Variants in RPS6KA2 observed in about 807,000 individuals in gnomAD.
RPS6KA2 encodes ribosomal protein S6 kinase alpha-2.
Under a neutral mutation model 91.8 loss-of-function variants are expected in RPS6KA2, and 42 were observed. The ratio of observed to expected loss-of-function variants is 0.46; its 90% CI spans 0.36 to 0.59. The LOEUF is 0.59. Among genes scored for constraint, RPS6KA2 ranks in the 20% least tolerant of loss-of-function variants. RPS6KA2 has a pLI of 0.00. For missense variants in RPS6KA2, 798 were observed against 978.5 expected (o/e 0.82, Z 2.46); for synonymous variants, 414 against 393.6 (o/e 1.05, Z -0.61).
At chr6:166,481,764 A>G (rs939605811) in intron 10 of RPS6KA2, among the ~76,000 whole-genome samples, 2 of 151,316 alleles carry the variant, frequency 1.3e-5, no homozygotes, top group Non-Finnish European at 2.9e-5. Flanking sequence ...ATCTTAAAGT[A>G]TGTGCTACAG....
intron 12 of RPS6KA2, among the ~76,000 whole-genome samples, chr6:166,453,062 G>A (rs1583155222): frequency 6.6e-6 from 1 of 152,072 alleles, no homozygotes; most frequent in East Asian, 1.9e-4. Context: ...TTAGCCAGGT[G>A]TGGTGGTGTA....
In RPS6KA2 at chr6:166,760,248, G is replaced by A. The variant is rs149323343; in HGVS notation, c.123+97952C>T. ...GGAGAGAGGAAGGTGGGCTCATTCT[G>A]GTGAACAAATATTTCCTTAGGTAAT... is the stretch of plus-strand genomic sequence containing the variant. On this transcript the variant is annotated intron_variant, in intron 2 of 21. Transcript: ENST00000503859. Among the ~76,000 whole-genome samples, 582 of 152,280 alleles carry A rather than the reference G, an allele frequency of 3.8e-3. 4 individuals carry two copies. The highest frequency in any genetic ancestry group is 0.013 in the African/African-American group (552 of 41,542).
intron 10 of RPS6KA2, among the ~76,000 whole-genome samples, chr6:166,488,171 C>T (rs894481107): frequency 1.3e-5 from 2 of 152,032 alleles, no homozygotes; most frequent in Non-Finnish European, 2.9e-5. Flanking sequence ...GCTGTCTAAA[C>T]CGTAAACACC....
chr6:166,604,531 G>T (rs1037547474), intron 1 of RPS6KA2, among the ~76,000 whole-genome samples: 1 of 152,208 alleles, frequency 6.6e-6, no homozygotes, highest in Non-Finnish European at 1.5e-5. Flanking sequence ...CTTCCCGGGC[G>T]GGGCCATCCC....
At chr6:166,760,550 TG>T (rs1475048832) in intron 2 of RPS6KA2, among the ~76,000 whole-genome samples, 1 of 152,254 alleles carries the variant, frequency 6.6e-6, no homozygotes, top group African/African-American at 2.4e-5. Context: ...CTATCGCTCC[TG>T]GCAACAGGAA....
chr6:166,488,797 C>G, intron 10 of RPS6KA2, 36 bp downstream of exon 10: 1 of 1,548,914 alleles, frequency 6.5e-7, no homozygotes, highest in Non-Finnish European at 8.9e-7. Context: ...CAGCGCCCTG[C>G]ACGTTCCCGT....
At chr6:166,585,515 T>TC (rs1412711797) in intron 1 of RPS6KA2, among the ~76,000 whole-genome samples, 1 of 122,144 alleles carries the variant, frequency 8.2e-6, no homozygotes, top group African/African-American at 6.5e-5. Context: ...TTTTTTTTTT[T>TC]TTTTCCTTAT....
In RPS6KA2 at chr6:166,490,559, C is replaced by T; in HGVS notation, c.818+112G>A. 1 of 759,008 alleles carries T rather than the reference C, an allele frequency of 1.3e-6. No individual in the cohort carries two copies. 47.0% of individuals were successfully genotyped at this position (759,008 alleles called of 1,614,324 possible). A position where few individuals can be genotyped will look rare whatever the true frequency, so the allele number is the denominator to read the frequency against. On this transcript the variant is annotated intron_variant, in intron 9 of 20. Coordinates refer to ENST00000265678, the MANE Select transcript of RPS6KA2 (RefSeq NM_021135.6). The surrounding 1 kb of genome is among the most constrained non-coding windows in gnomAD (Gnocchi z 4.2). Reference sequence around the variant, plus strand: ...TAGAAAACAGCTTACAATACTTTGGCACTGTAAGCCTAGCAATGTAATTAA... The same window carrying T: ...TAGAAAACAGCTTACAATACTTTGGTACTGTAAGCCTAGCAATGTAATTAA...
At chr6:166,749,908 G>T (rs1262411486) in intron 2 of RPS6KA2, among the ~76,000 whole-genome samples, 2 of 151,364 alleles carry the variant, frequency 1.3e-5, no homozygotes, top group East Asian at 2.0e-4. Context: ...GACTAAGGCA[G>T]GAGGCTGGGC....
intron 8 of RPS6KA2, among the ~76,000 whole-genome samples, chr6:166,496,373 T>TAAAAAGAAA (rs1342317614): frequency 7.5e-6 from 1 of 132,804 alleles, no homozygotes; most frequent in African/African-American, 2.9e-5. Flanking sequence ...AATTAAAAAA[T>TAAAAAGAAA]AAAAAGAAAA....
intron 1 of RPS6KA2, among the ~76,000 whole-genome samples, chr6:166,565,797 A>G (rs548812633): frequency 1.2e-4 from 19 of 152,306 alleles, no homozygotes; most frequent in African/African-American, 4.6e-4. Flanking sequence ...CCTGGAAGAC[A>G]GTGTGACCGA....
At position 166,554,955 on chromosome 6, in the gene RPS6KA2, T is replaced by G. The variant is rs1784135794; in HGVS notation, c.100-16171A>C. On this transcript the variant is annotated intron_variant, in intron 1 of 20. Transcript: ENST00000265678. The surrounding 1 kb of genome is among the most constrained non-coding windows in gnomAD (Gnocchi z 4.3). ...GAAATTGTTGCTTCTATACTTTTTC[T>G]CTACAGAGCTAGAATACTGTTCAAG... Among the ~76,000 whole-genome samples the G allele has an allele frequency of 6.6e-6, 1 of 152,246 alleles. No homozygotes were observed. The highest frequency in any genetic ancestry group is 1.5e-5 in the Non-Finnish European group (1 of 68,040).
intron 12 of RPS6KA2, among the ~76,000 whole-genome samples, chr6:166,455,265 G>A (rs1780061942): frequency 6.6e-6 from 1 of 152,136 alleles, no homozygotes; most frequent in African/African-American, 2.4e-5. Flanking sequence ...CATATTTTGG[G>A]GACAACGGTT....
chr6:166,562,963 C>A (rs535084383), intron 1 of RPS6KA2, among the ~76,000 whole-genome samples: 4 of 152,164 alleles, frequency 2.6e-5, no homozygotes, highest in Non-Finnish European at 5.9e-5. Context: ...GGCGCCCCGG[C>A]GGGACAGACT....
intron 10 of RPS6KA2, among the ~76,000 whole-genome samples, chr6:166,483,705 G>T (rs1781314215): frequency 6.6e-6 from 1 of 152,170 alleles, no homozygotes; most frequent in Admixed American, 6.5e-5. Context: ...CCACATTCGG[G>T]AAGGGAGGAC....
intron 2 of RPS6KA2, among the ~76,000 whole-genome samples, chr6:166,690,958 TTAAA>T (rs755517615): frequency 6.6e-5 from 10 of 152,100 alleles, no homozygotes; most frequent in Admixed American, 2.0e-4. Flanking sequence ...CATGAAAGCA[TTAAA>T]TAAATAATTA....
At chr6:166,604,106 C>T (rs1785850608) in intron 1 of RPS6KA2, among the ~76,000 whole-genome samples, 1 of 152,178 alleles carries the variant, frequency 6.6e-6, no homozygotes, top group South Asian at 2.1e-4. Flanking sequence ...GAGAAGGTGC[C>T]TCTGCCAATT....
chr6:166,702,899 G>A (rs1307643934), intron 2 of RPS6KA2: 2 of 705,478 alleles, frequency 2.8e-6, no homozygotes, highest in African/African-American at 1.8e-5. Context: ...AACCACCCAC[G>A]GTGATGGATG....
rs139882277 is a variant in RPS6KA2, at chr6:166,744,512, G to A, written c.123+113688C>T. Among the ~76,000 whole-genome samples, 16 of 152,330 alleles carry A rather than the reference G, an allele frequency of 1.1e-4. 1 individual carries two copies. The East Asian group carries it at 1.2e-3, about 11-fold the overall frequency. On this transcript the variant is annotated intron_variant, in intron 2 of 21. Coordinates refer to the RPS6KA2 transcript ENST00000503859. The stretch of plus-strand genomic sequence containing the variant: ...ATGGCGACAGACTTAAGAAAAAACG[G>A]TGCTGGGCCTCAGCCCCCAGGGACT...
Sources: gnomAD v4.1 joint callset for allele counts (sites outside exome capture counted in the v4.1 genomes callset) on GRCh38, gnomAD v4.1.1 for gene constraint, Gnocchi (gnomAD v3.1) non-coding constraint, MANE v1.5 for transcripts, NCBI Gene and HGNC (gene_info 2026-07-23, HGNC 2026-07-21) for gene names.